The following CHSY3 variants were observed in gnomAD, a reference collection of about 807,000 sequenced individuals.
CHSY3 encodes the protein chondroitin sulfate synthase 3.
Under a neutral mutation model 67.2 loss-of-function variants are expected in CHSY3, and 35 were observed. That is an observed-to-expected ratio of 0.52 (90% CI 0.40 to 0.69). The LOEUF is 0.69. Ranked by LOEUF, CHSY3 falls within the 30% of genes least tolerant of loss-of-function variation. CHSY3 has a pLI of 0.00. For missense variants in CHSY3, 1,069 were observed against 1,138.5 expected, an observed-to-expected ratio of 0.94 and a Z score of 0.88; for synonymous variants, 474 against 434.7, an observed-to-expected ratio of 1.09 and a Z score of -1.12.
intron 2 of CHSY3, among the ~76,000 whole-genome samples, chr5:129,928,704 T>TAATCTA (rs1395270244): frequency 6.6e-6 from 1 of 152,130 alleles, no homozygotes. Context: ...TGATGAACAA[T>TAATCTA]AATCTAAATG....
intron 2 of CHSY3, among the ~76,000 whole-genome samples, chr5:130,046,042 A>G (rs1401915018): frequency 6.6e-6 from 1 of 152,112 alleles, no homozygotes; most frequent in Non-Finnish European, 1.5e-5. Flanking sequence ...TGCTAGCAAT[A>G]CTTAACTGCA....
intron 2 of CHSY3, among the ~76,000 whole-genome samples, chr5:129,974,388 G>GT (rs1378326573): frequency 6.6e-6 from 1 of 152,056 alleles, no homozygotes; most frequent in Non-Finnish European, 1.5e-5. Flanking sequence ...CAGAAGAACA[G>GT]TAATTCCAAC....
chr5:130,055,747 G>A (rs908825816), intron 2 of CHSY3, among the ~76,000 whole-genome samples: 16 of 152,082 alleles, frequency 1.1e-4, no homozygotes, highest in Middle Eastern at 3.4e-3. Context: ...CACTGTGGTG[G>A]GAAGGGACTC....
intron 2 of CHSY3, among the ~76,000 whole-genome samples, chr5:130,165,808 G>A (rs1366748000): frequency 3.9e-5 from 6 of 152,014 alleles, no homozygotes; most frequent in African/African-American, 1.4e-4. Flanking sequence ...AAATGGCTAA[G>A]GGCCCTATAA....
intron 2 of CHSY3, among the ~76,000 whole-genome samples, chr5:129,959,204 T>A (rs1196301227): frequency 6.6e-6 from 1 of 152,172 alleles, no homozygotes; most frequent in Non-Finnish European, 1.5e-5. Flanking sequence ...TTTATCTTTC[T>A]TCATTTTTAG....
intron 2 of CHSY3, among the ~76,000 whole-genome samples, chr5:130,056,270 A>T (rs979970815): frequency 8.4e-6 from 1 of 119,466 alleles, no homozygotes; most frequent in Non-Finnish European, 1.6e-5. Context: ...GAAGTTTGTT[A>T]AAAAAAAAAA....
intron 2 of CHSY3, among the ~76,000 whole-genome samples, chr5:130,075,542 A>G (rs1016479194): frequency 6.6e-6 from 1 of 152,156 alleles, no homozygotes; most frequent in African/African-American, 2.4e-5. Flanking sequence ...TGGCTGTTAC[A>G]CACATAAGAC....
chr5:130,098,083 A>T (rs1767110325), intron 2 of CHSY3, among the ~76,000 whole-genome samples: 1 of 152,158 alleles, frequency 6.6e-6, no homozygotes, highest in East Asian at 1.9e-4. Flanking sequence ...CAATGGAAAA[A>T]AAAGCCTACA....
At chr5:130,014,931 C>T (rs192950727) in intron 2 of CHSY3, among the ~76,000 whole-genome samples, 9 of 152,132 alleles carry the variant, frequency 5.9e-5, no homozygotes, top group Non-Finnish European at 7.4e-5. Context: ...TCCTACAGAA[C>T]GGGAGAAAAT....
chr5:129,951,875 A>G (rs963149615), intron 2 of CHSY3, among the ~76,000 whole-genome samples: 1 of 152,228 alleles, frequency 6.6e-6, no homozygotes, highest in African/African-American at 2.4e-5. Context: ...TGTAATTACC[A>G]TTTGTTCTTA....
At chr5:129,962,089 C>A (rs550126125) in intron 2 of CHSY3, among the ~76,000 whole-genome samples, 37 of 152,070 alleles carry the variant, frequency 2.4e-4, no homozygotes, top group African/African-American at 8.7e-4. Flanking sequence ...GTATCCCCAA[C>A]CCTCTCAGAA....
intron 2 of CHSY3, among the ~76,000 whole-genome samples, chr5:130,107,865 C>A (rs1298418771): frequency 6.6e-6 from 1 of 151,684 alleles, no homozygotes; most frequent in African/African-American, 2.4e-5. Context: ...CTTCTCTCTT[C>A]TAGCTTATTA....
At chr5:130,052,442 T>A (rs1396077375) in intron 2 of CHSY3, among the ~76,000 whole-genome samples, 1 of 152,212 alleles carries the variant, frequency 6.6e-6, no homozygotes, top group Non-Finnish European at 1.5e-5. Flanking sequence ...TTTGGTATTA[T>A]TATCCATAAA....
intron 2 of CHSY3, among the ~76,000 whole-genome samples, chr5:130,172,520 G>A (rs1365965733): frequency 1.3e-5 from 2 of 151,758 alleles, no homozygotes; most frequent in Admixed American, 6.6e-5. Context: ...TTGTAGAGAT[G>A]GGGTTTCGCC....
intron 2 of CHSY3, among the ~76,000 whole-genome samples, chr5:130,177,044 G>T (rs1340985063): frequency 6.6e-6 from 1 of 151,872 alleles, no homozygotes; most frequent in Admixed American, 6.6e-5. Context: ...ACTTCCTTGT[G>T]TTTTTTCTTC....
At chr5:129,943,430 G>A (rs1761755448) in intron 2 of CHSY3, among the ~76,000 whole-genome samples, 1 of 152,154 alleles carries the variant, frequency 6.6e-6, no homozygotes, top group Admixed American at 6.5e-5. Flanking sequence ...ATTTTCGTCA[G>A]TTCAAATTTT....
intron 2 of CHSY3, chr5:129,974,793 G>T (rs1022385392): frequency 1.3e-5 from 2 of 152,124 alleles, no homozygotes; most frequent in African/African-American, 2.4e-5. Context: ...TTTTTTATCT[G>T]TAGAAAGGAT....
intron 2 of CHSY3, among the ~76,000 whole-genome samples, chr5:129,915,964 G>A (rs938338258): frequency 1.3e-5 from 2 of 152,162 alleles, no homozygotes; most frequent in Non-Finnish European, 2.9e-5. Context: ...AAATAGAGTA[G>A]CGTGGTTTAA....
intron 2 of CHSY3, among the ~76,000 whole-genome samples, chr5:129,982,652 A>C (rs1434061211): frequency 3.3e-5 from 5 of 152,104 alleles, no homozygotes; most frequent in African/African-American, 1.2e-4. Context: ...TAGCCTCATT[A>C]AATACAAATA....
Sources: gnomAD v4.1 joint callset for allele counts (sites outside exome capture counted in the v4.1 genomes callset) on GRCh38, gnomAD v4.1.1 for gene constraint, MANE v1.5 for transcripts, NCBI Gene and HGNC (gene_info 2026-07-23, HGNC 2026-07-21) for gene names.